Variants in DAB1 observed in about 807,000 individuals in gnomAD.
DAB1 encodes the protein disabled homolog 1.
In DAB1, 15 loss-of-function variants were observed where a neutral mutation model predicts 64.6. The observed-to-expected ratio is 0.23, with a 90% CI of 0.16 to 0.36. The LOEUF (loss-of-function observed/expected upper bound fraction) is 0.36. Among genes scored for constraint, DAB1 ranks in the 10% least tolerant of loss-of-function variants. The pLI is 1.00. For missense variants in DAB1, 596 were observed against 706.7 expected (o/e 0.84, Z 1.78); for synonymous variants, 235 against 251.9 (o/e 0.93, Z 0.64).
intron 1 of DAB1, among the ~76,000 whole-genome samples, chr1:57,422,550 A>G (rs1231522570): frequency 6.6e-6 from 1 of 151,672 alleles, no homozygotes; most frequent in Non-Finnish European, 1.5e-5. Flanking sequence ...TACACACCGG[A>G]GCGCACAGAT....
intron 5 of DAB1, among the ~76,000 whole-genome samples, chr1:58,013,048 C>A (rs1030382237): frequency 6.6e-6 from 1 of 152,340 alleles, no homozygotes; most frequent in Middle Eastern, 3.4e-3. Context: ...AATTCCCCAA[C>A]TTTCCTTAAA....
rs59378470 is a variant in DAB1 at position 57,533,539 on chromosome 1, G to GTATATATATATATATATA, written n.625+116035_625+116052dup. On this transcript the variant is annotated intron_variant and non_coding_transcript_variant, in intron 7 of 20. Coordinates refer to the DAB1 transcript ENST00000485760. ...AACAAAAATAGAAAATTCATAACAGGTATATATATATATATATATATATAT... is the reference window on the plus strand; with the variant it reads ...AACAAAAATAGAAAATTCATAACAGGTATATATATATATATATATATATATATATATATATATATATAT... Among the ~76,000 whole-genome samples the GTATATATATATATATATA allele has an allele frequency of 1.2e-3, 169 of 143,736 alleles. 1 individual carries two copies. The highest frequency in any genetic ancestry group is 4.2e-3 in the African/African-American group (160 of 38,374). 94.3% of individuals were successfully genotyped at this position (143,736 alleles called of 152,430 possible).
chr1:58,263,834 T>C (rs147518220), intron 4 of DAB1, among the ~76,000 whole-genome samples: 158 of 152,348 alleles, frequency 1.0e-3, no homozygotes, highest in Admixed American at 2.2e-3. Context: ...CTATTAGTGT[T>C]ATTTTCTATC....
At chr1:58,433,493 AC>A (rs1239212196) in intron 3 of DAB1, among the ~76,000 whole-genome samples, 1 of 151,920 alleles carries the variant, frequency 6.6e-6, no homozygotes, top group Non-Finnish European at 1.5e-5. Flanking sequence ...AGAAGATGAC[AC>A]CAGCTTCTGG....
At chr1:57,853,049 T>C (rs1386445002) in intron 1 of DAB1, among the ~76,000 whole-genome samples, 2 of 152,162 alleles carry the variant, frequency 1.3e-5, no homozygotes, top group Non-Finnish European at 2.9e-5. Flanking sequence ...TAGTTAAAAA[T>C]GTATAATTAA....
intron 3 of DAB1, among the ~76,000 whole-genome samples, chr1:58,504,953 G>A (rs543926701): frequency 1.4e-4 from 21 of 151,998 alleles, no homozygotes; most frequent in African/African-American, 4.8e-4. Context: ...CATACTGAAA[G>A]ATACTTCTTT....
chr1:57,554,363 G>A (rs144294675), intron 7 of DAB1, among the ~76,000 whole-genome samples: 6 of 152,332 alleles, frequency 3.9e-5, no homozygotes, highest in African/African-American at 1.4e-4. Flanking sequence ...TGTTACTTAC[G>A]TGTAAAGTAG....
At chr1:57,984,709 T>C (rs1646168936) in intron 5 of DAB1, among the ~76,000 whole-genome samples, 1 of 152,176 alleles carries the variant, frequency 6.6e-6, no homozygotes, top group South Asian at 2.1e-4. Flanking sequence ...GTCAGTTGCT[T>C]AAAAGGATCT....
intron 1 of DAB1, among the ~76,000 whole-genome samples, chr1:57,350,173 C>T (rs1678464070): frequency 6.6e-6 from 1 of 151,854 alleles, no homozygotes; most frequent in Admixed American, 6.5e-5. Flanking sequence ...AAATATGTAC[C>T]AAGTCATTTC....
intron 3 of DAB1, among the ~76,000 whole-genome samples, chr1:57,138,484 A>T (rs561425701): frequency 6.6e-6 from 1 of 152,186 alleles, no homozygotes; most frequent in Admixed American, 6.5e-5. Flanking sequence ...AGCCTTTCAA[A>T]GCTGCTCCAT....
intron 4 of DAB1, among the ~76,000 whole-genome samples, chr1:58,259,918 G>C (rs1362037175): frequency 6.6e-6 from 1 of 152,178 alleles, no homozygotes; most frequent in Admixed American, 6.5e-5. Context: ...ATTGCTTTAA[G>C]TGCCTTATAC....
At chr1:57,237,916 T>C (rs573153872) in intron 2 of DAB1, among the ~76,000 whole-genome samples, 2 of 152,142 alleles carry the variant, frequency 1.3e-5, no homozygotes, top group Non-Finnish European at 2.9e-5. Context: ...GAGAGGAAGG[T>C]AGTTCAGGCA....
At chr1:57,339,940 G>A (rs1677434006) in intron 1 of DAB1, among the ~76,000 whole-genome samples, 1 of 152,042 alleles carries the variant, frequency 6.6e-6, no homozygotes, top group Admixed American at 6.5e-5. Flanking sequence ...GTAGAGCTCG[G>A]GAGGTTTGTG....
At chr1:58,387,136 G>C (rs1644438919) in intron 3 of DAB1, among the ~76,000 whole-genome samples, 1 of 152,166 alleles carries the variant, frequency 6.6e-6, no homozygotes, top group African/African-American at 2.4e-5. Context: ...GTCAAAGTAA[G>C]AGATTATGAA....
chr1:57,893,925 C>T (rs1216989409), intron 5 of DAB1, among the ~76,000 whole-genome samples: 1 of 152,096 alleles, frequency 6.6e-6, no homozygotes, highest in Non-Finnish European at 1.5e-5. Flanking sequence ...AAAATGGCAG[C>T]GTTTTAACTT....
At chr1:57,578,291 G>T (rs1441627435) in intron 7 of DAB1, among the ~76,000 whole-genome samples, 1 of 152,156 alleles carries the variant, frequency 6.6e-6, no homozygotes, top group Non-Finnish European at 1.5e-5. Context: ...TGTCCACTGT[G>T]CAGGTCTTGG....
chr1:57,284,861 A>G (rs1356772628), intron 2 of DAB1, among the ~76,000 whole-genome samples: 2 of 152,110 alleles, frequency 1.3e-5, no homozygotes, highest in Non-Finnish European at 2.9e-5. Flanking sequence ...ACTGACTAGA[A>G]TTTTTCAAGA....
intron 3 of DAB1, among the ~76,000 whole-genome samples, chr1:58,431,431 G>A (rs533850911): frequency 6.3e-4 from 96 of 151,908 alleles, no homozygotes; most frequent in Non-Finnish European, 1.1e-3. Context: ...GGTGGTGGGC[G>A]CCTGTAGTCC....
At chr1:57,636,109 A>AC (rs1646051940) in intron 7 of DAB1, among the ~76,000 whole-genome samples, 1 of 148,538 alleles carries the variant, frequency 6.7e-6, no homozygotes, top group Admixed American at 6.6e-5. Context: ...AAAAAAAAAA[A>AC]AAAACAAAAA....
Sources: allele counts gnomAD v4.1 joint callset (sites outside exome capture counted in the v4.1 genomes callset), GRCh38; gene constraint gnomAD v4.1.1; transcripts MANE v1.5; gene names NCBI Gene and HGNC (gene_info 2026-07-23, HGNC 2026-07-21).